NEK7: variants seen among roughly 807,000 people sequenced by gnomAD.
The protein encoded by NEK7 is serine/threonine-protein kinase Nek7.
Under a neutral mutation model 44.6 loss-of-function variants are expected in NEK7, and 18 were observed. That is an observed-to-expected ratio of 0.40 (90% confidence interval 0.28 to 0.60). The LOEUF (loss-of-function observed/expected upper bound fraction) is 0.60, where lower values mean the gene tolerates loss of function less well. Ranked by LOEUF, NEK7 falls within the 20% of genes least tolerant of loss-of-function variation. The pLI is 0.38. For synonymous variants in NEK7, 130 were observed against 121.1 expected (o/e 1.07, Z -0.48); for missense variants, 256 against 366.5 (o/e 0.70, Z 2.46).
intron 1 of NEK7, among the ~76,000 whole-genome samples, chr1:198,174,287 T>C (rs995748677): frequency 6.6e-6 from 1 of 152,210 alleles, no homozygotes; most frequent in African/African-American, 2.4e-5. Flanking sequence ...TATGAGGCAG[T>C]GGCTTTTATA....
chr1:198,238,984 T>C (rs1666612283), intron 2 of NEK7, among the ~76,000 whole-genome samples: 1 of 152,178 alleles, frequency 6.6e-6, no homozygotes, highest in Admixed American at 6.5e-5. Context: ...TTTAGGCATT[T>C]TCAGTGTTCT....
intron 9 of NEK7, among the ~76,000 whole-genome samples, chr1:198,308,367 G>A (rs926243865): frequency 5.3e-5 from 8 of 152,092 alleles, no homozygotes; most frequent in East Asian, 1.9e-4. Context: ...AAATTCAGGC[G>A]TTCATATTTC....
At chr1:198,233,970 C>CT (rs1410953323) in intron 2 of NEK7, among the ~76,000 whole-genome samples, 4 of 151,884 alleles carry the variant, frequency 2.6e-5, no homozygotes, top group Non-Finnish European at 4.4e-5. Flanking sequence ...TGAAAGCAGT[C>CT]TTTCCTTGGA....
At chr1:198,201,109 C>T (rs1231015805) in intron 1 of NEK7, among the ~76,000 whole-genome samples, 1 of 152,012 alleles carries the variant, frequency 6.6e-6, no homozygotes, top group African/African-American at 2.4e-5. Context: ...TATATAATTG[C>T]TTAATTTCTA....
chr1:198,290,163 C>A (rs898944507), intron 7 of NEK7, among the ~76,000 whole-genome samples: 10 of 152,252 alleles, frequency 6.6e-5, no homozygotes, highest in African/African-American at 2.2e-4. Context: ...ATCATAAATT[C>A]TTGAAAGATA....
intron 3 of NEK7, among the ~76,000 whole-genome samples, chr1:198,262,084 G>T (rs756330861): frequency 5.3e-5 from 8 of 151,884 alleles, no homozygotes; most frequent in Non-Finnish European, 1.0e-4. Flanking sequence ...TAATGGTTCA[G>T]TGCTTGGGTT....
At chr1:198,245,669 A>G (rs751431411) in intron 2 of NEK7, among the ~76,000 whole-genome samples, 2 of 152,252 alleles carry the variant, frequency 1.3e-5, no homozygotes, top group Non-Finnish European at 2.9e-5. Context: ...GCCTTCTGTC[A>G]TAGATAAGGC....
chr1:198,251,748 T>C (rs1653004313), intron 2 of NEK7, among the ~76,000 whole-genome samples: 1 of 152,022 alleles, frequency 6.6e-6, no homozygotes, highest in Non-Finnish European at 1.5e-5. Context: ...TTATTGCGTC[T>C]ATTTGATTCT....
chr1:198,313,307 T>C (rs933119807), intron 9 of NEK7, among the ~76,000 whole-genome samples: 4 of 151,860 alleles, frequency 2.6e-5, no homozygotes, highest in African/African-American at 9.7e-5. Context: ...TCTTCCTCCA[T>C]CCTTTTATTT....
At chr1:198,164,895 G>C (rs1200915652) in intron 1 of NEK7, among the ~76,000 whole-genome samples, 1 of 152,174 alleles carries the variant, frequency 6.6e-6, no homozygotes, top group Admixed American at 6.5e-5. Flanking sequence ...TTGTACAATT[G>C]GAGTCAATCC....
chr1:198,272,092 T>G (rs1034435525), intron 5 of NEK7, among the ~76,000 whole-genome samples: 1 of 151,404 alleles, frequency 6.6e-6, no homozygotes, highest in Non-Finnish European at 1.5e-5. Context: ...AAAATATCAC[T>G]TGGGTTTTCC....
At chr1:198,284,616 G>C (rs540019506) in intron 7 of NEK7, among the ~76,000 whole-genome samples, 8 of 152,196 alleles carry the variant, frequency 5.3e-5, no homozygotes, top group Admixed American at 3.9e-4. Context: ...TTCTCGTATC[G>C]TAAGAGGCAA....
intron 1 of NEK7, among the ~76,000 whole-genome samples, chr1:198,159,036 G>A (rs574613722): frequency 2.0e-5 from 3 of 152,198 alleles, no homozygotes; most frequent in South Asian, 2.1e-4. Context: ...GTGTGTGTGC[G>A]GGGGTAGTGT....
intron 7 of NEK7, among the ~76,000 whole-genome samples, chr1:198,291,631 GT>G (rs1298652257): frequency 6.6e-6 from 1 of 151,068 alleles, no homozygotes; most frequent in Non-Finnish European, 1.5e-5. Flanking sequence ...TTATCCTTCT[GT>G]TTGCATACTT....
chr1:198,234,682 T>G (rs1419286935), intron 2 of NEK7, among the ~76,000 whole-genome samples: 1 of 152,210 alleles, frequency 6.6e-6, no homozygotes, highest in East Asian at 1.9e-4. Flanking sequence ...AATTTCAAAA[T>G]TATAGCAGCG....
At chr1:198,231,287 GTGTA>G (rs1486372728) in intron 1 of NEK7, among the ~76,000 whole-genome samples, 4 of 77,380 alleles carry the variant, frequency 5.2e-5, no homozygotes, top group African/African-American at 2.4e-4. Flanking sequence ...GTGTATATAC[GTGTA>G]TGTGTGTGTG....
intron 6 of NEK7, 44 bp downstream of exon 6, chr1:198,278,113 T>G (rs765034929): frequency 9.6e-7 from 1 of 1,045,354 alleles, no homozygotes; most frequent in Admixed American, 1.8e-5. Flanking sequence ...TTTTAAATGA[T>G]GTAAGTTCTT....
In NEK7 at chr1:198,277,163, A is replaced by T. The variant is rs1383941968; in HGVS notation, c.373-798A>T. On this transcript the variant is annotated intron_variant, in intron 5 of 9. Transcript: ENST00000367385. ...ATTTTGTTTTTGAAAAATAATTTTTATGTGTTGAATCTTTGTAAGTCTTAT... is the reference window on the plus strand; with the variant it reads ...ATTTTGTTTTTGAAAAATAATTTTTTTGTGTTGAATCTTTGTAAGTCTTAT... 3.3e-5 allele frequency among the ~76,000 whole-genome samples: 5 copies of T among 151,750 alleles called. No individual in the cohort carries two copies. In the East Asian group the frequency reaches 9.7e-4, roughly 29 times the overall value.
At chr1:198,266,420 G>A (rs1220582270) in intron 5 of NEK7, among the ~76,000 whole-genome samples, 1 of 152,000 alleles carries the variant, frequency 6.6e-6, no homozygotes, top group Non-Finnish European at 1.5e-5. Context: ...TGTGCCAGGT[G>A]CATGGTTCAT....
Sources: gnomAD v4.1 joint callset for allele counts (sites outside exome capture counted in the v4.1 genomes callset) on GRCh38, gnomAD v4.1.1 for gene constraint, MANE v1.5 for transcripts, NCBI Gene and HGNC (gene_info 2026-07-23, HGNC 2026-07-21) for gene names.